The following UACA variants were observed in gnomAD, a reference collection of about 807,000 sequenced individuals.
The protein encoded by UACA is nuclear membrane binding protein.
In UACA, 112 loss-of-function variants were observed where a neutral mutation model predicts 160.5. The observed-to-expected ratio is 0.70, with a 90% confidence interval of 0.60 to 0.82. The LOEUF (loss-of-function observed/expected upper bound fraction) is 0.82, where lower values mean the gene tolerates loss of function less well. Among genes scored for constraint, UACA ranks in the 40% least tolerant of loss-of-function variants. UACA has a pLI of 0.00. For synonymous variants in UACA, 557 were observed against 568.4 expected, an observed-to-expected ratio of 0.98 and a Z score of 0.29; for missense variants, 1,574 against 1,614.6, an observed-to-expected ratio of 0.97 and a Z score of 0.43.
rs766568043 is a variant in UACA at position 70,667,583 on chromosome 15, TTTAAC to T, written c.3096_3100del (p.Leu1033GlufsTer13). ...TTTCTGAAGGGTAAAAATCTCCTTCTTTAACTTGTCATTCTCTTGCTTGTTTTTCT... is the reference window on the plus strand; with the variant it reads ...TTTCTGAAGGGTAAAAATCTCCTTCTTTGTCATTCTCTTGCTTGTTTTTCT... On this transcript the variant is annotated frameshift_variant, in exon 16 of 19. Transcript: ENST00000322954. LOFTEE classifies it high-confidence loss of function. The T allele has an allele frequency of 8.7e-6, 14 of 1,612,992 alleles. No individual in the cohort carries two copies. The highest frequency in any genetic ancestry group is 1.0e-5 in the Non-Finnish European group (12 of 1,179,956).
Position 70,667,924 on chromosome 15 carries a change from AG to A in UACA, c.2759del (p.Ala920ValfsTer13). The A allele has an allele frequency of 6.2e-7, 1 of 1,613,774 alleles. No individual in the cohort carries two copies. The highest frequency in any genetic ancestry group is 1.1e-5 in the South Asian group (1 of 91,034). ...NLENTQNQIK[A>X]EYISLAEHEA... ...CGTGCTCTGCCAGGCTGATGTACTCAGCTTTTATTTGGTTCTGAGTGTTTTC... is the reference window on the plus strand; with the variant it reads ...CGTGCTCTGCCAGGCTGATGTACTCACTTTTATTTGGTTCTGAGTGTTTTC... On this transcript the variant is annotated frameshift_variant, in exon 16 of 19. Transcript: ENST00000322954. LOFTEE classifies it high-confidence loss of function.
At chr15:70,664,922 A>T (rs1896851605) in intron 16 of UACA, 108 bp from the exon 17 acceptor site, 1 of 1,003,724 alleles carries the variant, frequency 1.0e-6, no homozygotes, top group African/African-American at 1.7e-5. Context: ...ATCTTTATAC[A>T]CCAGAAAATT....
At chr15:70,740,451 TA>T (rs10710615) in intron 1 of UACA, among the ~76,000 whole-genome samples, 144,181 of 144,982 alleles carry the variant, frequency 0.99, 71,690 homozygotes, top group East Asian at 1. Flanking sequence ...TTGTCTCTAT[TA>T]AAAAAAAAAA....
At chr15:70,751,945 C>T (rs1463600973) in intron 1 of UACA, among the ~76,000 whole-genome samples, 2 of 151,846 alleles carry the variant, frequency 1.3e-5, no homozygotes, top group African/African-American at 4.8e-5. Context: ...ATTTAAAAAC[C>T]TCTAACATGG....
chr15:70,680,194 T>A (rs1897448068), intron 9 of UACA, among the ~76,000 whole-genome samples: 1 of 152,176 alleles, frequency 6.6e-6, no homozygotes, highest in African/African-American at 2.4e-5. Context: ...AAAAAGGTCT[T>A]TAAATAACTT....
chr15:70,702,559 G>A (rs896381261), intron 1 of UACA, among the ~76,000 whole-genome samples: 1 of 152,098 alleles, frequency 6.6e-6, no homozygotes, highest in African/African-American at 2.4e-5. Flanking sequence ...CATTTTAAGA[G>A]ACAAATTTGG....
intron 5 of UACA, among the ~76,000 whole-genome samples, chr15:70,689,788 G>A (rs1221036285): frequency 1.3e-5 from 2 of 151,788 alleles, no homozygotes; most frequent in Non-Finnish European, 2.9e-5. Context: ...CTTTCTTTAA[G>A]ACACCTAAAG....
At chr15:70,767,370 C>A (rs1470493406), upstream of UACA, among the ~76,000 whole-genome samples, 3 of 151,808 alleles carry the variant, frequency 2.0e-5, no homozygotes, top group African/African-American at 7.3e-5. Flanking sequence ...GGACAGATCA[C>A]TTGAGGTCAG....
At chr15:70,706,163 A>T (rs1261691543) in intron 1 of UACA, among the ~76,000 whole-genome samples, 1 of 152,182 alleles carries the variant, frequency 6.6e-6, no homozygotes, top group African/African-American at 2.4e-5. Flanking sequence ...TAATAGAATA[A>T]AGGACAAAAA....
chr15:70,665,678 T>C (rs942555062), intron 16 of UACA, among the ~76,000 whole-genome samples: 1 of 152,142 alleles, frequency 6.6e-6, no homozygotes, highest in African/African-American at 2.4e-5. Context: ...AAGTAGATAT[T>C]AATAATTAAC....
chr15:70,766,471 T>C (rs2031011912), upstream of UACA, among the ~76,000 whole-genome samples: 2 of 152,188 alleles, frequency 1.3e-5, no homozygotes, highest in Admixed American at 1.3e-4. Context: ...ATTTATTTAT[T>C]TACAATATAT....
upstream of UACA, among the ~76,000 whole-genome samples, chr15:70,763,952 T>G (rs1167312453): frequency 6.6e-6 from 1 of 152,264 alleles, no homozygotes; most frequent in Non-Finnish European, 1.5e-5. Context: ...CTTGGTTACC[T>G]GCACACAGAA....
intron 1 of UACA, among the ~76,000 whole-genome samples, chr15:70,704,206 C>T (rs149489002): frequency 1.3e-5 from 2 of 152,346 alleles, no homozygotes; most frequent in African/African-American, 4.8e-5. Context: ...CCAGAATCCA[C>T]ATCTGCTTCA....
At chr15:70,681,548 T>C (rs144235209) in intron 9 of UACA, 88 of 152,336 alleles carry the variant, frequency 5.8e-4, no homozygotes, top group African/African-American at 2.0e-3. Flanking sequence ...TAATATTCAA[T>C]AATTCTTTTT....
chr15:70,722,501 A>G (rs536466786), intron 1 of UACA, among the ~76,000 whole-genome samples: 2 of 152,072 alleles, frequency 1.3e-5, no homozygotes, highest in Non-Finnish European at 2.9e-5. Context: ...TATTTTTAGT[A>G]AAGAAGAGGT....
the UACA span, among the ~76,000 whole-genome samples, chr15:70,769,495 A>C: frequency 9.2e-5 from 14 of 151,614 alleles, no homozygotes; most frequent in Non-Finnish European, 1.9e-4. Context: ...GGGAAAGGGA[A>C]GGTCATAGGT....
At chr15:70,761,265 A>T (rs543100959) in intron 1 of UACA, among the ~76,000 whole-genome samples, 115 of 152,296 alleles carry the variant, frequency 7.6e-4, no homozygotes, top group Non-Finnish European at 1.6e-3. Flanking sequence ...GGCCTCAGGA[A>T]GTGGGGGCAG....
chr15:70,729,150 T>C (rs1320023703), intron 1 of UACA, among the ~76,000 whole-genome samples: 2 of 152,138 alleles, frequency 1.3e-5, no homozygotes, highest in African/African-American at 2.4e-5. Flanking sequence ...GAACTGAAAA[T>C]AGAACTACCA....
At chr15:70,677,024 C>A in intron 12 of UACA, 84 bp downstream of exon 12, 1 of 1,014,564 alleles carries the variant, frequency 9.9e-7, no homozygotes, top group South Asian at 1.6e-5. Flanking sequence ...GTCTCTATCT[C>A]AATTCAGGAC....
Sources: gnomAD v4.1 joint callset for allele counts (sites outside exome capture counted in the v4.1 genomes callset) on GRCh38, gnomAD v4.1.1 for gene constraint, MANE v1.5 for transcripts, NCBI Gene and HGNC (gene_info 2026-07-23, HGNC 2026-07-21) for gene names.